MECOM: variants seen among roughly 807,000 people sequenced by gnomAD.
The protein encoded by MECOM is MDS1 and EVI1 complex locus.
In MECOM, 13 loss-of-function variants were observed where a neutral mutation model predicts 116.3. The observed-to-expected ratio is 0.11, with a 90% CI of 0.07 to 0.18. The LOEUF (loss-of-function observed/expected upper bound fraction) is 0.18, where lower values mean the gene tolerates loss of function less well. MECOM is among the 10% of genes least tolerant of loss of function. The pLI is 1.00. For missense variants in MECOM, 1,299 were observed against 1,509.0 expected (o/e 0.86, Z 2.31); for synonymous variants, 528 against 535.2 (o/e 0.99, Z 0.19).
intron 2 of MECOM, among the ~76,000 whole-genome samples, chr3:169,377,795 C>A (rs1731293156): frequency 6.6e-6 from 1 of 152,084 alleles, no homozygotes; most frequent in Non-Finnish European, 1.5e-5. Context: ...CCAGAAATAC[C>A]ATTTCACCCA....
chr3:169,455,528 C>A (rs1375665788), intron 1 of MECOM, among the ~76,000 whole-genome samples: 2 of 152,138 alleles, frequency 1.3e-5, no homozygotes, highest in South Asian at 2.1e-4. Context: ...TGGGTTATCA[C>A]CTCCTTTGGA....
chr3:169,647,427 A>C lies in MECOM; in HGVS notation c.37+15909T>G, dbSNP rs372909748. Among the ~76,000 whole-genome samples, 55 of 152,364 alleles carry C rather than the reference A, an allele frequency of 3.6e-4. 2 individuals carry two copies. In the South Asian group the frequency reaches 0.01, roughly 29 times the overall value. ...CAGATGATGACATTCAGGCACAGAG[A>C]AGTAAATAGCTGGCCAATGCCCACA... is the stretch of plus-strand genomic sequence containing the variant. On this transcript the variant is annotated intron_variant, in intron 1 of 16. Transcript: ENST00000651503.
chr3:169,299,201 A>G (rs1716224457), intron 2 of MECOM, among the ~76,000 whole-genome samples: 2 of 152,106 alleles, frequency 1.3e-5, no homozygotes, highest in South Asian at 4.2e-4. Flanking sequence ...ATTAGAGCCC[A>G]AGACACCACA....
At chr3:169,430,085 T>G (rs2108549390) in intron 1 of MECOM, among the ~76,000 whole-genome samples, 1 of 152,304 alleles carries the variant, frequency 6.6e-6, no homozygotes, top group East Asian at 1.9e-4. Context: ...CCTGGTAAGA[T>G]TCTACTTTGA....
intron 4 of MECOM, among the ~76,000 whole-genome samples, chr3:169,128,755 T>C (rs529215103): frequency 3.3e-5 from 5 of 152,320 alleles, no homozygotes; most frequent in South Asian, 2.1e-4. Context: ...CTTTGTTAAA[T>C]AGAAAACATA....
At chr3:169,396,426 A>G (rs968838013) in intron 1 of MECOM, among the ~76,000 whole-genome samples, 1 of 152,242 alleles carries the variant, frequency 6.6e-6, no homozygotes, top group Non-Finnish European at 1.5e-5. Flanking sequence ...TTAAAAATAT[A>G]AATCAGATTT....
intron 2 of MECOM, among the ~76,000 whole-genome samples, chr3:169,165,585 G>C (rs966207284): frequency 6.6e-6 from 1 of 152,084 alleles, no homozygotes; most frequent in Non-Finnish European, 1.5e-5. Context: ...CTGTATACAC[G>C]ATCTTGCAAG....
chr3:169,545,853 G>A (rs556205678), intron 1 of MECOM, among the ~76,000 whole-genome samples: 1 of 152,074 alleles, frequency 6.6e-6, no homozygotes, highest in African/African-American at 2.4e-5. Context: ...CTCCTCCCCT[G>A]CTCTACAAAG....
At chr3:169,259,407 T>G (rs1757261341) in intron 2 of MECOM, among the ~76,000 whole-genome samples, 1 of 152,164 alleles carries the variant, frequency 6.6e-6, no homozygotes, top group Non-Finnish European at 1.5e-5. Context: ...TGGATTCTAT[T>G]AGGATCATAC....
At chr3:169,340,677 C>T (rs771829003) in intron 2 of MECOM, among the ~76,000 whole-genome samples, 12 of 152,108 alleles carry the variant, frequency 7.9e-5, no homozygotes, top group Admixed American at 2.6e-4. Flanking sequence ...GCTTTCTACA[C>T]AATTAAAATG....
chr3:169,103,250 T>C (rs887537756), intron 10 of MECOM, among the ~76,000 whole-genome samples: 6 of 151,942 alleles, frequency 3.9e-5, no homozygotes, highest in Non-Finnish European at 8.8e-5. Flanking sequence ...ATTATAGGCA[T>C]AAGCTACTGT....
At chr3:169,474,321 A>G (rs1750012208) in intron 1 of MECOM, among the ~76,000 whole-genome samples, 1 of 152,184 alleles carries the variant, frequency 6.6e-6, no homozygotes, top group East Asian at 1.9e-4. Flanking sequence ...AATGCTCCAT[A>G]CTAGAAAAAG....
intron 2 of MECOM, among the ~76,000 whole-genome samples, chr3:169,267,301 G>T (rs182889482): frequency 1.3e-3 from 202 of 152,312 alleles, no homozygotes; most frequent in Non-Finnish European, 2.3e-3. Context: ...ACATAATAGA[G>T]AAGTTGAAAA....
At chr3:169,221,192 G>C (rs1197571426) in intron 2 of MECOM, among the ~76,000 whole-genome samples, 4 of 152,074 alleles carry the variant, frequency 2.6e-5, no homozygotes. Context: ...TCCTTACATA[G>C]AATTTAGCAT....
chr3:169,489,541 A>C (rs1412042223), intron 1 of MECOM, among the ~76,000 whole-genome samples: 1 of 152,204 alleles, frequency 6.6e-6, no homozygotes, highest in East Asian at 1.9e-4. Context: ...CAGGATAAAG[A>C]AATGGACCAA....
At chr3:169,288,241 A>AT (rs1173322767) in intron 2 of MECOM, among the ~76,000 whole-genome samples, 8 of 151,974 alleles carry the variant, frequency 5.3e-5, no homozygotes, top group African/African-American at 1.9e-4. Context: ...AAAAAAAAAA[A>AT]ATCTTGATAA....
chr3:169,648,702 A>G (rs1309526641), intron 1 of MECOM, among the ~76,000 whole-genome samples: 3 of 152,190 alleles, frequency 2.0e-5, no homozygotes, highest in African/African-American at 4.8e-5. Flanking sequence ...AGCGCTTTTT[A>G]TTCTTATTTC....
chr3:169,505,589 C>A (rs1578289789), intron 1 of MECOM, among the ~76,000 whole-genome samples: 1 of 152,130 alleles, frequency 6.6e-6, no homozygotes, highest in African/African-American at 2.4e-5. Context: ...ATGGTGAGAA[C>A]ATTTAAGATC....
At chr3:169,291,404 T>C (rs1288802665) in intron 2 of MECOM, among the ~76,000 whole-genome samples, 2 of 152,180 alleles carry the variant, frequency 1.3e-5, no homozygotes, top group African/African-American at 4.8e-5. Flanking sequence ...ACAGTAAATA[T>C]AATTGCCCTA....
Sources: allele counts gnomAD v4.1 joint callset (sites outside exome capture counted in the v4.1 genomes callset), GRCh38; gene constraint gnomAD v4.1.1; transcripts MANE v1.5; gene names NCBI Gene and HGNC (gene_info 2026-07-23, HGNC 2026-07-21).